IFIT2: variants seen among roughly 807,000 people sequenced by gnomAD.
The protein encoded by IFIT2 is interferon-induced protein with tetratricopeptide repeats 2.
In IFIT2, 3 loss-of-function variants were observed where a neutral mutation model predicts 2.5. The ratio of observed to expected loss-of-function variants is 1.21; its 90% CI spans 0.55 to 3.14. The LOEUF is 3.14. Ranked by LOEUF, IFIT2 falls within the 30% of genes most tolerant of loss-of-function variation. The pLI, the probability that IFIT2 is intolerant of heterozygous loss-of-function variation, is 0.03. For synonymous variants in IFIT2, 212 were observed against 200.7 expected (o/e 1.06, Z -0.48); for missense variants, 493 against 558.9 (o/e 0.88, Z 1.19).
Position 89,306,118 on chromosome 10 carries a change from C to T in IFIT2, c.162C>T (p.Cys54=), listed in dbSNP as rs1270667455. 1.2e-6 allele frequency: 2 copies of T among 1,614,118 alleles called. No homozygotes were observed. The highest frequency in any genetic ancestry group is 1.7e-6 in the Non-Finnish European group (2 of 1,179,986). Residue 54 remains cysteine, a synonymous_variant, in exon 2 of 2, where the codon TGC becomes TGT. Transcript: ENST00000371826. ...ATCGTGAATTCAAAGCCACAATGTG[C>T]AACCTACTGGCCTATCTAAAGCACC... ...FQNREFKATM[C]NLLAYLKHLK...
At chr10:89,302,501 G>A (rs1214468066) in intron 1 of IFIT2, among the ~76,000 whole-genome samples, 3 of 152,190 alleles carry the variant, frequency 2.0e-5, no homozygotes, top group Non-Finnish European at 4.4e-5. Context: ...TATTTGAAAG[G>A]ATTAAGTTGG....
chr10:89,304,278 G>A (rs527652009), intron 1 of IFIT2, among the ~76,000 whole-genome samples: 7 of 133,664 alleles, frequency 5.2e-5, no homozygotes, highest in Admixed American at 2.8e-4. Flanking sequence ...CGGGAGCCCC[G>A]GAGAGTGCTT....
chr10:89,303,009 CA>C lies in IFIT2; in HGVS notation c.5+896del, dbSNP rs11420925. Among the ~76,000 whole-genome samples the C allele has an allele frequency of 7.0e-3, 927 of 132,028 alleles. 1 individual carries two copies. The highest frequency in any genetic ancestry group is 0.013 in the African/African-American group (483 of 36,936). The allele number at this position is 132,028 out of a possible 152,430, so 86.6% of individuals were successfully genotyped here. On this transcript the variant is annotated intron_variant, in intron 1 of 1. Transcript: ENST00000371826. ...CTAGTCTAAATGTTCTGCCTGATTT[CA>C]AAAAAAAAAAAAAAGATTTGAGATA... is the stretch of plus-strand genomic sequence containing the variant.
In IFIT2 at chr10:89,308,218, G is replaced by C. The variant is rs1254250236; in HGVS notation, c.*843G>C. On this transcript the variant is annotated 3_prime_UTR_variant, in exon 2 of 2. Transcript: ENST00000371826. ...TAAATGTTCCACCAGTAGGGATAGGGGAAAAGTAACCAAAAGAGAGAAAGA... is the reference window on the plus strand; with the variant it reads ...TAAATGTTCCACCAGTAGGGATAGGCGAAAAGTAACCAAAAGAGAGAAAGA... 6.6e-6 allele frequency: 1 copy of C among 152,126 alleles called. No homozygotes were observed. Among genetic ancestry groups the C allele is most frequent in the African/African-American group, 2.4e-5 (1 of 41,412 alleles). 9.4% of individuals were successfully genotyped at this position (152,126 alleles called of 1,614,324 possible). A position where few individuals can be genotyped will look rare whatever the true frequency, so the allele number is the denominator to read the frequency against.
In IFIT2 at chr10:89,306,957, T is replaced by A. The variant is rs1280809087; in HGVS notation, c.1001T>A (p.Phe334Tyr). The change falls in exon 2 of 2, where the codon TTC becomes TAC. Residue 334 changes from phenylalanine to tyrosine, a missense_variant. Phe to Tyr is a conservative substitution (Grantham distance 22). Coordinates refer to ENST00000371826, the MANE Select transcript of IFIT2 (RefSeq NM_001547.5). The part of the protein sequence containing the change: ...KKADEANDNL[F>Y]RVCSILASLH... ...GCTGATGAGGCCAATGATAATCTCT[T>A]CCGTGTCTGTTCCATTCTTGCCAGC... 1 of 1,613,954 alleles carries A rather than the reference T, an allele frequency of 6.2e-7. No individual in the cohort carries two copies. Among genetic ancestry groups the A allele is most frequent in the South Asian group, 1.1e-5 (1 of 91,090 alleles).
In IFIT2 at chr10:89,307,012, C is replaced by T. The variant is rs1727; in HGVS notation, c.1056C>T (p.Asp352=). Residue 352 remains aspartate (D), a synonymous_variant, in exon 2 of 2, where the codon GAC becomes GAT. Coordinates refer to ENST00000371826, the MANE Select transcript of IFIT2 (RefSeq NM_001547.5). The part of the protein sequence containing the change: ...SLHALADQYE[D]AEYYFQKEFS... ...ATGCTCTAGCAGATCAGTATGAAGA[C>T]GCAGAGTATTACTTCCAAAAGGAAT... The T allele has an allele frequency of 1.9e-6, 3 of 1,613,872 alleles. No homozygotes were observed. In the South Asian group the frequency reaches 3.3e-5, roughly 18 times the overall value.
chr10:89,306,407 G>A lies in IFIT2; in HGVS notation c.451G>A (p.Gly151Arg), dbSNP rs1437339513. 5 of 1,614,024 alleles carry A rather than the reference G, an allele frequency of 3.1e-6. No individual in the cohort carries two copies. In the Admixed American group the frequency reaches 8.3e-5, roughly 27 times the overall value. ...AGGGTGGACACGGTTAAAGTGTGGA[G>A]GAAACCAAAATGAAAGAGCGAAGGT... ...EEGWTRLKCG[G>R]NQNERAKVCF... The change falls in exon 2 of 2, where the codon GGA (glycine) becomes AGA (arginine). Residue 151 changes from glycine to arginine, a missense_variant. Coordinates refer to ENST00000371826, the MANE Select transcript of IFIT2 (RefSeq NM_001547.5).
Position 89,306,098 on chromosome 10 carries a change from GA to G in IFIT2, c.144del (p.Glu48AspfsTer13). 6.2e-7 allele frequency: 1 copy of G among 1,614,090 alleles called. No individual in the cohort carries two copies. Among genetic ancestry groups the G allele is most frequent in the Non-Finnish European group, 8.5e-7 (1 of 1,179,988 alleles). On this transcript the variant is annotated frameshift_variant, in exon 2 of 2. Coordinates refer to ENST00000371826, the MANE Select transcript of IFIT2 (RefSeq NM_001547.5). LOFTEE classifies it low-confidence loss of function (END_TRUNC). Reference sequence around the variant, plus strand: ...TTACCGGACTGAGTTTCAGAATCGTGAATTCAAAGCCACAATGTGCAACCTA... The same window carrying G: ...TTACCGGACTGAGTTTCAGAATCGTGATTCAAAGCCACAATGTGCAACCTA... The part of the protein sequence containing the change: ...VFYRTEFQNR[E>X]FKATMCNLLA...
intron 1 of IFIT2, among the ~76,000 whole-genome samples, chr10:89,303,501 G>A (rs751826406): frequency 6.6e-6 from 1 of 152,218 alleles, no homozygotes; most frequent in Admixed American, 6.5e-5. Flanking sequence ...CGGGAGAATA[G>A]GTCCTCACAA....
Position 89,306,353 on chromosome 10 carries a change from A to G in IFIT2, c.397A>G (p.Ile133Val), listed in dbSNP as rs767193461. 1.2e-6 allele frequency: 2 copies of G among 1,614,142 alleles called. No homozygotes were observed. Among genetic ancestry groups the G allele is most frequent in the South Asian group, 2.2e-5 (2 of 91,082 alleles). The change falls in exon 2 of 2, where the codon ATT (isoleucine) becomes GTT (valine). Residue 133 changes from isoleucine (I) to valine (V), a missense_variant. Transcript: ENST00000371826. Reference protein sequence around the residue: ...VCEKFSSPYRIESPELDCEEG... With the variant: ...VCEKFSSPYRVESPELDCEEG... The stretch of plus-strand genomic sequence containing the variant: ...TGAGAAGTTTTCCAGTCCCTATAGA[A>G]TTGAGAGTCCAGAGCTTGACTGTGA...
chr10:89,303,269 A>G (rs1407439810), intron 1 of IFIT2, among the ~76,000 whole-genome samples: 1 of 152,196 alleles, frequency 6.6e-6, no homozygotes. Context: ...CAGCTTATTA[A>G]GGACAGAGTC....
Position 89,306,669 on chromosome 10 carries a change from A to C in IFIT2, c.713A>C (p.Glu238Ala). The C allele has an allele frequency of 6.2e-7, 1 of 1,614,140 alleles. No individual in the cohort carries two copies. The highest frequency in any genetic ancestry group is 8.5e-7 in the Non-Finnish European group (1 of 1,179,968). ...GGTGAAGGAGAGAAGTTAGTTGAAG[A>C]AGCCTTGGAGAAAGCCCCAGGTGTA... ...EEGEGEKLVE[E>A]ALEKAPGVTD... Residue 238 changes from glutamate to alanine, a missense_variant, in exon 2 of 2, where the codon GAA becomes GCA. Physicochemically the swap from Glu to Ala is moderately radical, Grantham distance 107. Transcript: ENST00000371826.
chr10:89,306,204 A>T lies in IFIT2; in HGVS notation c.248A>T (p.Gln83Leu). The T allele has an allele frequency of 1.2e-6, 2 of 1,614,188 alleles. No individual in the cohort carries two copies. Among genetic ancestry groups the T allele is most frequent in the Non-Finnish European group, 1.7e-6 (2 of 1,180,012 alleles). ...CGTAAAGCTGAAGAGTTAATCCAGC[A>T]AGAGCATGCTGACCAGGCAGAAATC... Reference protein sequence around the residue: ...CLRKAEELIQQEHADQAEIRS... With the variant: ...CLRKAEELIQLEHADQAEIRS... Residue 83 changes from glutamine (Q) to leucine (L), a missense_variant, in exon 2 of 2, where the codon CAA becomes CTA. Transcript: ENST00000371826.
intron 1 of IFIT2, among the ~76,000 whole-genome samples, chr10:89,302,933 C>T (rs7070001): frequency 0.31 from 46,318 of 151,310 alleles, 7,571 homozygotes; most frequent in African/African-American, 0.42. Context: ...ACACCTTGCC[C>T]TCTGTCTGTG....
In IFIT2 at chr10:89,307,202, C is replaced by CA. The variant is rs1309641941; in HGVS notation, c.1252dup (p.Ile418AsnfsTer8). 6.8e-6 allele frequency: 11 copies of CA among 1,613,890 alleles called. No individual in the cohort carries two copies. Among genetic ancestry groups the CA allele is most frequent in the Non-Finnish European group, 9.3e-6 (11 of 1,179,904 alleles). On this transcript the variant is annotated frameshift_variant, in exon 2 of 2. Coordinates refer to ENST00000371826, the MANE Select transcript of IFIT2 (RefSeq NM_001547.5). LOFTEE classifies it low-confidence loss of function (END_TRUNC). ...GAAAGAAAAGATGAAAGACAAACTG[C>CA]AAAAAATTGCCAAAATGCGACTTTC...
At position 89,308,854 on chromosome 10, in the gene IFIT2, T is replaced by C. The variant is rs1843499968; in HGVS notation, c.*1479T>C. The C allele has an allele frequency of 6.6e-6, 1 of 152,204 alleles. No individual in the cohort carries two copies. The highest frequency in any genetic ancestry group is 2.4e-5 in the African/African-American group (1 of 41,450). 9.4% of individuals were successfully genotyped at this position (152,204 alleles called of 1,614,324 possible). A position where few individuals can be genotyped will look rare whatever the true frequency, so the allele number is the denominator to read the frequency against. ...TTGCACGCATTTGAGGTCATCAGGGTGCAAAATTTGTATTCCTGAAAATGT... is the reference window on the plus strand; with the variant it reads ...TTGCACGCATTTGAGGTCATCAGGGCGCAAAATTTGTATTCCTGAAAATGT... On this transcript the variant is annotated 3_prime_UTR_variant, in exon 2 of 2. Coordinates refer to ENST00000371826, the MANE Select transcript of IFIT2 (RefSeq NM_001547.5).
Position 89,306,886 on chromosome 10 carries a change from A to T in IFIT2, c.930A>T (p.Arg310Ser). ...NLRENGMYGK[R>S]KLLELIGHAV... ...GAGAGAATGGAATGTATGGGAAAAGAAAGTTACTGGAACTAATAGGACACG... is the reference window on the plus strand; with the variant it reads ...GAGAGAATGGAATGTATGGGAAAAGTAAGTTACTGGAACTAATAGGACACG... Residue 310 changes from arginine to serine, a missense_variant, in exon 2 of 2, where the codon AGA becomes AGT. Transcript: ENST00000371826. The T allele has an allele frequency of 6.2e-7, 1 of 1,614,100 alleles. No individual in the cohort carries two copies. Among genetic ancestry groups the T allele is most frequent in the Non-Finnish European group, 8.5e-7 (1 of 1,179,958 alleles).
Position 89,306,708 on chromosome 10 carries a change from G to A in IFIT2, c.752G>A (p.Arg251His), listed in dbSNP as rs1389691613. 6 of 1,613,964 alleles carry A rather than the reference G, an allele frequency of 3.7e-6. No homozygotes were observed. The highest frequency in any genetic ancestry group is 2.2e-5 in the East Asian group (1 of 44,900). The part of the protein sequence containing the change: ...EKAPGVTDVL[R>H]SAAKFYRRKD... ...GCCCCAGGTGTAACAGATGTTCTTC[G>A]CAGTGCAGCCAAGTTTTATCGAAGA... Residue 251 changes from arginine to histidine, a missense_variant, in exon 2 of 2, where the codon CGC becomes CAC. Coordinates refer to ENST00000371826, the MANE Select transcript of IFIT2 (RefSeq NM_001547.5).
In IFIT2 at chr10:89,306,557, G is replaced by T; in HGVS notation, c.601G>T (p.Ala201Ser). 6.2e-7 allele frequency: 1 copy of T among 1,614,118 alleles called. No homozygotes were observed. Among genetic ancestry groups the T allele is most frequent in the Non-Finnish European group, 8.5e-7 (1 of 1,179,974 alleles). The change falls in exon 2 of 2, where the codon GCC becomes TCC. Residue 201 changes from alanine (A) to serine (S), a missense_variant. Physicochemically the swap from Ala to Ser is moderately conservative, Grantham distance 99 (BLOSUM62 1). Coordinates refer to ENST00000371826, the MANE Select transcript of IFIT2 (RefSeq NM_001547.5). The part of the protein sequence containing the change: ...SQNAIDPLRQ[A>S]IRLNPDNQYL... The stretch of plus-strand genomic sequence containing the variant: ...GAACGCCATTGACCCTCTGAGGCAA[G>T]CCATTCGGCTGAATCCTGACAACCA...
Sources: allele counts gnomAD v4.1 joint callset (sites outside exome capture counted in the v4.1 genomes callset), GRCh38; gene constraint gnomAD v4.1.1; transcripts MANE v1.5; gene names NCBI Gene and HGNC (gene_info 2026-07-23, HGNC 2026-07-21).